Variants in GMPS observed in about 807,000 individuals in gnomAD.
GMPS encodes the protein guanosine monophosphate synthase, also known as GMP synthase [glutamine-hydrolyzing].
GMPS carries 15 observed loss-of-function variants against 77.9 expected under a neutral mutation model. The observed-to-expected ratio is 0.19, with a 90% confidence interval of 0.13 to 0.30. The LOEUF (loss-of-function observed/expected upper bound fraction) is 0.30, where lower values mean the gene tolerates loss of function less well. GMPS is among the 10% of genes least tolerant of loss of function. The pLI is 1.00. For synonymous variants in GMPS, 224 were observed against 275.9 expected, an observed-to-expected ratio of 0.81 and a Z score of 1.86; for missense variants, 590 against 838.8, an observed-to-expected ratio of 0.70 and a Z score of 3.66.
At position 155,874,901 on chromosome 3, in the gene GMPS, C is replaced by CTTTTTTTTTTT. The variant is rs1171275758; in HGVS notation, c.27+4018_27+4028dup. Among the ~76,000 whole-genome samples the CTTTTTTTTTTT allele has an allele frequency of 1.6e-3, 115 of 71,410 alleles. 1 individual carries two copies. The highest frequency in any genetic ancestry group is 1.9e-3 in the Non-Finnish European group (72 of 38,564). The allele number at this position is 71,410 out of a possible 152,430, so 46.8% of individuals were successfully genotyped here. ...GTAGTACATTCTTAAACTTTGTTTTCTTTTTTTTTTTTTTTTTTTTTTTTG... is the reference window on the plus strand; with the variant it reads ...GTAGTACATTCTTAAACTTTGTTTTCTTTTTTTTTTTTTTTTTTTTTTTTTTTTTTTTTTTG... On this transcript the variant is annotated intron_variant, in intron 1 of 15. Transcript: ENST00000496455.
rs1007994217 is a variant in GMPS, at chr3:155,888,588, A to AT, written c.28-4913dup. ...AGGCACGTGCACCCACTCCCAGCTA[A>AT]TTTTTTTTTTTTTTTTTGAGATGGA... On this transcript the variant is annotated intron_variant, in intron 1 of 15. Coordinates refer to ENST00000496455, the MANE Select transcript of GMPS (RefSeq NM_003875.3). Among the ~76,000 whole-genome samples the AT allele has an allele frequency of 4.7e-3, 645 of 137,594 alleles. 2 individuals carry two copies. The highest frequency in any genetic ancestry group is 0.011 in the Middle Eastern group (3 of 272). 90.3% of individuals were successfully genotyped at this position (137,594 alleles called of 152,430 possible).
At chr3:155,892,489 C>T (rs1036674898) in intron 1 of GMPS, among the ~76,000 whole-genome samples, 3 of 152,142 alleles carry the variant, frequency 2.0e-5, no homozygotes, top group Non-Finnish European at 4.4e-5. Flanking sequence ...TCCATAGCCA[C>T]CTACTTTTGC....
chr3:155,880,823 C>T (rs1249820334), intron 1 of GMPS, among the ~76,000 whole-genome samples: 2 of 151,828 alleles, frequency 1.3e-5, no homozygotes, highest in Non-Finnish European at 2.9e-5. Context: ...ACGTCTGGCT[C>T]TCTAGAGGTT....
chr3:155,893,025 G>A (rs1036406615), intron 1 of GMPS, among the ~76,000 whole-genome samples: 1 of 152,128 alleles, frequency 6.6e-6, no homozygotes, highest in Non-Finnish European at 1.5e-5. Flanking sequence ...AGTGAATTTG[G>A]CCATGCTTAT....
chr3:155,915,447 G>A (rs1399116698), intron 8 of GMPS, among the ~76,000 whole-genome samples: 1 of 151,960 alleles, frequency 6.6e-6, no homozygotes, highest in Non-Finnish European at 1.5e-5. Flanking sequence ...TGCCGCCCAG[G>A]CTGGAGTGTA....
intron 4 of GMPS, among the ~76,000 whole-genome samples, chr3:155,905,138 C>T (rs886937112): frequency 2.0e-5 from 3 of 152,026 alleles, no homozygotes; most frequent in African/African-American, 7.2e-5. Flanking sequence ...TCTCCCACCT[C>T]AGTCTCCCAA....
At position 155,922,188 on chromosome 3, in the gene GMPS, T is replaced by G. The variant is rs1755335870; in HGVS notation, c.1320T>G (p.Gly440=). 2.2e-6 allele frequency: 3 copies of G among 1,375,754 alleles called. No homozygotes were observed. Among genetic ancestry groups the G allele is most frequent in the Non-Finnish European group, 3.0e-6 (3 of 999,126 alleles). The allele number at this position is 1,375,754 out of a possible 1,614,324, so 85.2% of individuals were successfully genotyped here. Residue 440 remains glycine, a splice_region_variant and synonymous_variant, in exon 11 of 16, where the codon GGT becomes GGG. Transcript: ENST00000496455. ...TACTATTATTACTCCTACCTTTAGG[T>G]CCTGGCCTGGCAATCAGAGTAATAT... is the stretch of plus-strand genomic sequence containing the variant. ...EELVSRHPFP[G]PGLAIRVICA...
chr3:155,909,256 T>C (rs1409097156), intron 5 of GMPS, among the ~76,000 whole-genome samples: 1 of 152,194 alleles, frequency 6.6e-6, no homozygotes, highest in Non-Finnish European at 1.5e-5. Flanking sequence ...ATAGGTAATA[T>C]TTGCCAGAAA....
At chr3:155,901,246 A>G (rs1754730678) in intron 3 of GMPS, among the ~76,000 whole-genome samples, 1 of 151,974 alleles carries the variant, frequency 6.6e-6, no homozygotes, top group East Asian at 1.9e-4. Context: ...ATAATATATT[A>G]GTTTTGCCGA....
intron 12 of GMPS, among the ~76,000 whole-genome samples, chr3:155,926,163 C>G: frequency 6.6e-6 from 1 of 152,054 alleles, no homozygotes; most frequent in Non-Finnish European, 1.5e-5. Flanking sequence ...AGGCAAGCAC[C>G]ATCATGCCTG....
chr3:155,928,868 A>G (rs1235876051), intron 12 of GMPS, among the ~76,000 whole-genome samples: 2 of 151,460 alleles, frequency 1.3e-5, no homozygotes, highest in South Asian at 2.1e-4. Flanking sequence ...ACATGAACTC[A>G]TCATTTTTTA....
Position 155,937,602 on chromosome 3 carries a change from G to A in GMPS, c.1992G>A (p.Lys664=). 7.0e-7 allele frequency: 1 copy of A among 1,436,580 alleles called. No homozygotes were observed. The highest frequency in any genetic ancestry group is 9.8e-7 in the Non-Finnish European group (1 of 1,020,222). 89.0% of individuals were successfully genotyped at this position (1,436,580 alleles called of 1,614,324 possible). Residue 664 remains lysine, a synonymous_variant, in exon 16 of 16, where the codon AAG becomes AAA. Transcript: ENST00000496455. The part of the protein sequence containing the change: ...GNEIPVEVVL[K]MVTEIKKIPG... Reference sequence around the variant, plus strand: ...ATTTTTTTTAATAGGTGGTATTAAAGATGGTCACTGAGATTAAGAAGATTC... The same window carrying A: ...ATTTTTTTTAATAGGTGGTATTAAAAATGGTCACTGAGATTAAGAAGATTC...
chr3:155,906,403 T>A, intron 5 of GMPS, 140 bp downstream of exon 5: 1 of 533,326 alleles, frequency 1.9e-6, no homozygotes, highest in East Asian at 3.0e-5. Flanking sequence ...TAATAATGAA[T>A]GTAGGATTAA....
At chr3:155,912,267 T>C (rs1009527621) in intron 7 of GMPS, among the ~76,000 whole-genome samples, 3 of 152,170 alleles carry the variant, frequency 2.0e-5, no homozygotes, top group Non-Finnish European at 4.4e-5. Flanking sequence ...GTGTAATACC[T>C]TAAGGATGTG....
chr3:155,878,740 G>A (rs1487263259), intron 1 of GMPS, among the ~76,000 whole-genome samples: 2 of 152,208 alleles, frequency 1.3e-5, no homozygotes, highest in Admixed American at 6.5e-5. Flanking sequence ...TGGCTGACGC[G>A]ATTATGGAGG....
intron 1 of GMPS, among the ~76,000 whole-genome samples, chr3:155,877,630 C>A (rs1183519569): frequency 6.6e-6 from 1 of 152,074 alleles, no homozygotes; most frequent in Non-Finnish European, 1.5e-5. Flanking sequence ...TCTGTTGGGG[C>A]CGCTAAAACA....
intron 1 of GMPS, among the ~76,000 whole-genome samples, chr3:155,889,363 C>T (rs1308398493): frequency 6.6e-6 from 1 of 152,146 alleles, no homozygotes; most frequent in South Asian, 2.1e-4. Flanking sequence ...GTTAAACTCT[C>T]CTGGCCCCTT....
intron 3 of GMPS, among the ~76,000 whole-genome samples, chr3:155,899,260 T>C (rs1158532019): frequency 6.6e-6 from 1 of 152,012 alleles, no homozygotes; most frequent in East Asian, 1.9e-4. Flanking sequence ...CCCAGCTCCT[T>C]GGGAGGCTGA....
intron 2 of GMPS, among the ~76,000 whole-genome samples, chr3:155,895,079 G>A (rs1308552769): frequency 6.6e-6 from 1 of 152,166 alleles, no homozygotes; most frequent in East Asian, 1.9e-4. Flanking sequence ...GAATAGGATA[G>A]CTGAATACTT....
Sources: allele counts gnomAD v4.1 joint callset (sites outside exome capture counted in the v4.1 genomes callset), GRCh38; gene constraint gnomAD v4.1.1; transcripts MANE v1.5; gene names NCBI Gene and HGNC (gene_info 2026-07-23, HGNC 2026-07-21).